The following EVA1A variants were observed in gnomAD, a reference collection of about 807,000 sequenced individuals.
EVA1A encodes eva-1 homolog A, regulator of programmed cell death.
In EVA1A, 7 loss-of-function variants were observed where a neutral mutation model predicts 9.8. The observed-to-expected ratio is 0.71, with a 90% CI of 0.41 to 1.34. EVA1A has a LOEUF of 1.34. EVA1A is among the 40% of genes most tolerant of loss of function. The pLI, the probability that EVA1A is intolerant of heterozygous loss-of-function variation, is 0.01. For missense variants in EVA1A, 206 were observed against 205.9 expected (o/e 1.00, Z 0.00); for synonymous variants, 90 against 85.6 (o/e 1.05, Z -0.28).
At chr2:75,517,694 G>A in intron 3 of EVA1A, 2 of 669,140 alleles carry the variant, frequency 3.0e-6, no homozygotes, top group Non-Finnish European at 5.5e-6. Flanking sequence ...CAGGCAGCCT[G>A]TGTGAGGTTA....
intron 3 of EVA1A, among the ~76,000 whole-genome samples, chr2:75,517,157 C>T (rs577671206): frequency 6.6e-6 from 1 of 152,160 alleles, no homozygotes; most frequent in Non-Finnish European, 1.5e-5. Flanking sequence ...TGGAACCCTC[C>T]ACTTGGCTCA....
chr2:75,562,783 G>A (rs1016388643), upstream of EVA1A, among the ~76,000 whole-genome samples: 3 of 152,226 alleles, frequency 2.0e-5, no homozygotes, highest in East Asian at 1.9e-4. Context: ...GTAATACTAC[G>A]TGTGTTAGCC....
intron 3 of EVA1A, among the ~76,000 whole-genome samples, chr2:75,508,283 C>T (rs199859475): frequency 3.3e-5 from 5 of 152,254 alleles, no homozygotes; most frequent in East Asian, 3.9e-4. Flanking sequence ...GCCGGTGAGC[C>T]GGGCAGAACA....
At position 75,500,990 on chromosome 2, in the gene EVA1A, G is replaced by A. The variant is rs373595167; in HGVS notation, c.86-7381C>T. On this transcript the variant is annotated intron_variant, in intron 3 of 3. Transcript: ENST00000393913. ...CATGGCTGTCAAGGCAACATTTTAAGATCTGACTCCTATTATTTACCTTAT... is the reference window on the plus strand; with the variant it reads ...CATGGCTGTCAAGGCAACATTTTAAAATCTGACTCCTATTATTTACCTTAT... Among the ~76,000 whole-genome samples the A allele has an allele frequency of 1.8e-3, 268 of 150,194 alleles. 6 individuals carry two copies. Among genetic ancestry groups the A allele is most frequent in the African/African-American group, 6.3e-3 (259 of 40,900 alleles).
At chr2:75,510,358 T>G (rs527409038) in intron 3 of EVA1A, among the ~76,000 whole-genome samples, 2 of 152,222 alleles carry the variant, frequency 1.3e-5, no homozygotes, top group Admixed American at 1.3e-4. Flanking sequence ...CTCCAATGCC[T>G]TGGGCATAGC....
intron 1 of EVA1A, among the ~76,000 whole-genome samples, chr2:75,543,302 C>T (rs1676203971): frequency 6.6e-6 from 1 of 152,148 alleles, no homozygotes. Flanking sequence ...GCTTCCCAAA[C>T]CCAGTACACC....
intron 1 of EVA1A, among the ~76,000 whole-genome samples, chr2:75,525,609 T>C: frequency 6.6e-6 from 1 of 152,230 alleles, no homozygotes; most frequent in East Asian, 1.9e-4. Context: ...ATAAGTGCTT[T>C]AAAACAAATT....
At chr2:75,564,572 C>A (rs1676991308), upstream of EVA1A, among the ~76,000 whole-genome samples, 2 of 152,170 alleles carry the variant, frequency 1.3e-5, no homozygotes, top group Admixed American at 1.3e-4. Flanking sequence ...GAAGCCAGGG[C>A]CCCTTCAGCT....
At chr2:75,511,653 G>C (rs1428771383) in intron 3 of EVA1A, among the ~76,000 whole-genome samples, 1 of 152,118 alleles carries the variant, frequency 6.6e-6, no homozygotes, top group Non-Finnish European at 1.5e-5. Flanking sequence ...GATGGGTCAA[G>C]TTTGGGAACT....
At chr2:75,500,828 T>C (rs1197792388) in intron 3 of EVA1A, among the ~76,000 whole-genome samples, 3 of 151,648 alleles carry the variant, frequency 2.0e-5, no homozygotes, top group African/African-American at 4.8e-5. Context: ...ACTCACTCTT[T>C]GGCTTCTTGC....
At position 75,493,171 on chromosome 2, in the gene EVA1A, C is replaced by T; in HGVS notation, c.*65G>A. ...AGAGCTGGGTTCAGTTCCTTGTGCC[C>T]ACTGTCCCTGCAGACGCTCTCCTTT... On this transcript the variant is annotated 3_prime_UTR_variant, in exon 4 of 4. Transcript: ENST00000393913. The T allele has an allele frequency of 1.3e-6, 2 of 1,539,112 alleles. No homozygotes were observed. Among genetic ancestry groups the T allele is most frequent in the Non-Finnish European group, 8.7e-7 (1 of 1,143,828 alleles).
At chr2:75,496,263 T>C (rs1346574154) in intron 3 of EVA1A, among the ~76,000 whole-genome samples, 1 of 152,122 alleles carries the variant, frequency 6.6e-6, no homozygotes, top group Non-Finnish European at 1.5e-5. Context: ...TCGCAGACAA[T>C]ATGATTCTAT....
intron 3 of EVA1A, among the ~76,000 whole-genome samples, chr2:75,504,451 AT>A (rs1217493467): frequency 1.3e-5 from 2 of 152,160 alleles, no homozygotes; most frequent in Admixed American, 6.5e-5. Context: ...TCTTTATGGC[AT>A]TCTGCCCCAC....
intron 3 of EVA1A, among the ~76,000 whole-genome samples, chr2:75,496,892 T>C (rs555969167): frequency 7.9e-5 from 12 of 152,270 alleles, no homozygotes; most frequent in African/African-American, 1.7e-4. Context: ...TGCACACCTA[T>C]AGCCATCTGA....
chr2:75,553,799 T>C (rs1209680314), intron 1 of EVA1A, among the ~76,000 whole-genome samples: 1 of 152,196 alleles, frequency 6.6e-6, no homozygotes, highest in African/African-American at 2.4e-5. Context: ...CTGCCCTGTG[T>C]GACTGACCCA....
intron 1 of EVA1A, among the ~76,000 whole-genome samples, chr2:75,538,282 G>A (rs1159008744): frequency 6.6e-6 from 1 of 152,112 alleles, no homozygotes; most frequent in East Asian, 1.9e-4. Context: ...GTGACAGAGC[G>A]AGACTCCATT....
At chr2:75,501,948 C>A (rs1164950490) in intron 3 of EVA1A, among the ~76,000 whole-genome samples, 1 of 152,172 alleles carries the variant, frequency 6.6e-6, no homozygotes, top group Non-Finnish European at 1.5e-5. Context: ...TGCATCTTCC[C>A]TCAGTCCCCT....
At chr2:75,563,132 T>C (rs1174404705), upstream of EVA1A, among the ~76,000 whole-genome samples, 3 of 152,210 alleles carry the variant, frequency 2.0e-5, no homozygotes, top group Non-Finnish European at 4.4e-5. Context: ...TTATAAACAT[T>C]GCCTCATTTT....
intron 3 of EVA1A, among the ~76,000 whole-genome samples, chr2:75,495,006 C>G (rs1302372632): frequency 2.0e-5 from 3 of 152,092 alleles, no homozygotes; most frequent in African/African-American, 7.2e-5. Context: ...AGTTTTCATT[C>G]TAGGTACCTA....
Sources: gnomAD v4.1 joint callset for allele counts (sites outside exome capture counted in the v4.1 genomes callset) on GRCh38, gnomAD v4.1.1 for gene constraint, MANE v1.5 for transcripts, NCBI Gene and HGNC (gene_info 2026-07-23, HGNC 2026-07-21) for gene names.